ZNF423: variants seen among roughly 807,000 people sequenced by gnomAD.
ZNF423 encodes the protein zinc finger protein 423.
A neutral mutation model predicts 95.8 loss-of-function variants in ZNF423; 12 were observed. The ratio of observed to expected loss-of-function variants is 0.13; its 90% CI spans 0.08 to 0.20. The LOEUF is 0.20. Among genes scored for constraint, ZNF423 ranks in the 10% least tolerant of loss-of-function variants. The probability of loss-of-function intolerance (pLI) is 1.00; values close to 1 mark genes in which losing one functional copy is unlikely to be tolerated. For missense variants in ZNF423, 1,316 were observed against 1,737.1 expected (o/e 0.76, Z 4.31); for synonymous variants, 749 against 711.9 (o/e 1.05, Z -0.83).
chr16:49,688,245 A>G (rs2031645946), intron 3 of ZNF423, among the ~76,000 whole-genome samples: 1 of 152,152 alleles, frequency 6.6e-6, no homozygotes, highest in African/African-American at 2.4e-5. Flanking sequence ...AACTTCAAAC[A>G]CAAACTCCTC....
chr16:49,760,501 C>T (rs1262801680), intron 2 of ZNF423, among the ~76,000 whole-genome samples: 1 of 152,044 alleles, frequency 6.6e-6, no homozygotes, highest in Non-Finnish European at 1.5e-5. Context: ...ACACAGTAGG[C>T]CTCCAATATA....
chr16:49,685,208 G>A (rs1485028528), intron 3 of ZNF423, among the ~76,000 whole-genome samples: 1 of 152,162 alleles, frequency 6.6e-6, no homozygotes, highest in Non-Finnish European at 1.5e-5. Context: ...GCAGCCCAGG[G>A]CAGAATCTTC....
chr16:49,683,123 A>G (rs2151939308), intron 3 of ZNF423, among the ~76,000 whole-genome samples: 1 of 152,332 alleles, frequency 6.6e-6, no homozygotes. Flanking sequence ...AACAGGTGGC[A>G]GAGGGGTGCC....
intron 5 of ZNF423, among the ~76,000 whole-genome samples, chr16:49,527,822 C>T (rs939066615): frequency 1.3e-5 from 2 of 152,118 alleles, no homozygotes; most frequent in Non-Finnish European, 2.9e-5. Context: ...CCCCCGCCAT[C>T]GTACACCACC....
At chr16:49,533,907 C>G (rs905095845) in intron 5 of ZNF423, among the ~76,000 whole-genome samples, 4 of 152,132 alleles carry the variant, frequency 2.6e-5, no homozygotes, top group African/African-American at 9.7e-5. Context: ...CCTGTAATTC[C>G]AGGACTTTGG....
At position 49,626,274 on chromosome 16, in the gene ZNF423, A is replaced by G; in HGVS notation, c.3517-20T>C. 6.2e-7 allele frequency: 1 copy of G among 1,612,916 alleles called. No homozygotes were observed. The highest frequency in any genetic ancestry group is 1.1e-5 in the South Asian group (1 of 91,038). The stretch of plus-strand genomic sequence containing the variant: ...CTTTTTCTGTTTGGAAACCAAAAAT[A>G]AAAGATTTAGAGAGGCAGGAGGTAG... On this transcript the variant is annotated intron_variant, in intron 4 of 7. Coordinates refer to ENST00000563137, the MANE Select transcript of ZNF423 (RefSeq NM_001379286.1).
Position 49,720,066 on chromosome 16 carries a change from C to T in ZNF423, c.301+10705G>A, listed in dbSNP as rs533022319. Among the ~76,000 whole-genome samples the T allele has an allele frequency of 3.0e-4, 45 of 152,292 alleles. No homozygotes were observed. In the South Asian group the frequency reaches 3.7e-3, roughly 13 times the overall value. On this transcript the variant is annotated intron_variant, in intron 3 of 7. Transcript: ENST00000563137. ...TGGTGGATGCCACGAGGGCTTGACACACCATTACCCCACCTTCCACCTCCC... is the reference window on the plus strand; with the variant it reads ...TGGTGGATGCCACGAGGGCTTGACATACCATTACCCCACCTTCCACCTCCC...
At chr16:49,610,894 A>G (rs980258666) in intron 5 of ZNF423, among the ~76,000 whole-genome samples, 1 of 152,126 alleles carries the variant, frequency 6.6e-6, no homozygotes, top group Non-Finnish European at 1.5e-5. Flanking sequence ...TGAAGGCTTC[A>G]GAACAAAAAA....
chr16:49,594,688 C>T (rs1006191484), intron 5 of ZNF423, among the ~76,000 whole-genome samples: 37 of 152,316 alleles, frequency 2.4e-4, no homozygotes, highest in Admixed American at 2.2e-3. Flanking sequence ...CACCCACAGG[C>T]ACAAAGACAT....
At chr16:49,841,964 C>A (rs1474131104) in intron 1 of ZNF423, among the ~76,000 whole-genome samples, 1 of 152,084 alleles carries the variant, frequency 6.6e-6, no homozygotes, top group East Asian at 1.9e-4. Flanking sequence ...TGGCCAGGTG[C>A]TGTGGCTCAC....
chr16:49,813,685 T>TCCC (rs562236232), intron 1 of ZNF423, among the ~76,000 whole-genome samples: 38 of 152,306 alleles, frequency 2.5e-4, no homozygotes, highest in African/African-American at 7.0e-4. Context: ...CACTGTTGGC[T>TCCC]CCCCCTTGGC....
intron 3 of ZNF423, among the ~76,000 whole-genome samples, chr16:49,651,860 G>C (rs1048004885): frequency 6.6e-6 from 1 of 152,168 alleles, no homozygotes; most frequent in African/African-American, 2.4e-5. Context: ...TCACCTCCCT[G>C]AGCCCTGATT....
intron 5 of ZNF423, among the ~76,000 whole-genome samples, chr16:49,586,459 T>C (rs961185971): frequency 5.9e-5 from 9 of 152,218 alleles, no homozygotes; most frequent in African/African-American, 1.9e-4. Flanking sequence ...TCAGCTCCAT[T>C]TTTTGCTAAT....
chr16:49,663,119 C>T (rs1596814231), intron 3 of ZNF423, among the ~76,000 whole-genome samples: 1 of 152,202 alleles, frequency 6.6e-6, no homozygotes, highest in Admixed American at 6.5e-5. Context: ...AGCGCACCCA[C>T]CATTCCTCTC....
Position 49,695,536 on chromosome 16 carries a change from G to A in ZNF423, c.301+35235C>T, listed in dbSNP as rs145197592. Among the ~76,000 whole-genome samples, 432 of 152,102 alleles carry A rather than the reference G, an allele frequency of 2.8e-3. 3 individuals carry two copies. The highest frequency in any genetic ancestry group is 9.9e-3 in the African/African-American group (412 of 41,470). ...TCGAACTCCCAACCTCAGGTGATCC[G>A]CCCACCTCGGCCTCCCAAAGTGCTG... On this transcript the variant is annotated intron_variant, in intron 3 of 7. Coordinates refer to ENST00000563137, the MANE Select transcript of ZNF423 (RefSeq NM_001379286.1).
intron 7 of ZNF423, among the ~76,000 whole-genome samples, chr16:49,510,861 A>G (rs1263957478): frequency 6.6e-6 from 1 of 152,216 alleles, no homozygotes; most frequent in Non-Finnish European, 1.5e-5. Context: ...CACACACACA[A>G]TGGCCACCGG....
chr16:49,802,773 A>G (rs2034602305), intron 1 of ZNF423, among the ~76,000 whole-genome samples: 1 of 152,252 alleles, frequency 6.6e-6, no homozygotes, highest in Non-Finnish European at 1.5e-5. Flanking sequence ...TCTTTCTGTA[A>G]AAGTTTCTGA....
intron 1 of ZNF423, among the ~76,000 whole-genome samples, chr16:49,804,672 C>A (rs551214526): frequency 6.6e-6 from 1 of 152,282 alleles, no homozygotes. Flanking sequence ...GAAGTTAGTT[C>A]TCACCTGCAG....
At chr16:49,600,733 A>G (rs1240772137) in intron 5 of ZNF423, among the ~76,000 whole-genome samples, 1 of 152,146 alleles carries the variant, frequency 6.6e-6, no homozygotes, top group East Asian at 1.9e-4. Context: ...ACACTGCGCC[A>G]TTAGCTCGTA....
Sources: gnomAD v4.1 joint callset for allele counts (sites outside exome capture counted in the v4.1 genomes callset) on GRCh38, gnomAD v4.1.1 for gene constraint, MANE v1.5 for transcripts, NCBI Gene and HGNC (gene_info 2026-07-23, HGNC 2026-07-21) for gene names.